THRB: variants seen among roughly 807,000 people sequenced by gnomAD.
The protein encoded by THRB is thyroid hormone receptor beta, also known as nuclear receptor subfamily 1 group A member 2.
A neutral mutation model predicts 47.8 loss-of-function variants in THRB; 12 were observed. That is an observed-to-expected ratio of 0.25 (90% CI 0.16 to 0.41). The LOEUF is 0.41. Among genes scored for constraint, THRB ranks in the 10% least tolerant of loss-of-function variants. The pLI is 1.00. For missense variants in THRB, 348 were observed against 589.2 expected, an observed-to-expected ratio of 0.59 and a Z score of 4.24; for synonymous variants, 218 against 212.2, an observed-to-expected ratio of 1.03 and a Z score of -0.24.
chr3:24,257,247 T>G (rs1005698025), intron 3 of THRB, among the ~76,000 whole-genome samples: 5 of 152,136 alleles, frequency 3.3e-5, no homozygotes, highest in South Asian at 2.1e-4. Context: ...ATGAAATAAA[T>G]TTTTTGATAT....
chr3:24,394,445 G>A (rs1169808479), intron 1 of THRB, among the ~76,000 whole-genome samples: 1 of 152,020 alleles, frequency 6.6e-6, no homozygotes, highest in Admixed American at 6.6e-5. Context: ...CCTACTTCCT[G>A]GGGAACTGTT....
At chr3:24,315,695 C>T (rs2058069978) in intron 2 of THRB, among the ~76,000 whole-genome samples, 1 of 152,184 alleles carries the variant, frequency 6.6e-6, no homozygotes, top group Non-Finnish European at 1.5e-5. Flanking sequence ...TGACATGCTA[C>T]CTTATCCACA....
At chr3:24,347,829 C>T (rs940791597) in intron 1 of THRB, among the ~76,000 whole-genome samples, 2 of 151,876 alleles carry the variant, frequency 1.3e-5, no homozygotes, top group Non-Finnish European at 2.9e-5. Flanking sequence ...TGAATTTGTA[C>T]CTACAAATCT....
At chr3:24,148,538 AG>A (rs2036453637) in intron 6 of THRB, among the ~76,000 whole-genome samples, 2 of 152,248 alleles carry the variant, frequency 1.3e-5, no homozygotes, top group Non-Finnish European at 1.5e-5. Context: ...CTGGGATTAC[AG>A]GCATGAGCCA....
rs143469247 is a variant in THRB at position 24,258,214 on chromosome 3, C to T, written c.-42-29213G>A. Among the ~76,000 whole-genome samples the T allele has an allele frequency of 2.8e-3, 423 of 152,158 alleles. 11 individuals carry two copies. The highest frequency in any genetic ancestry group is 0.026 in the East Asian group (134 of 5,170). ...AAGATGGAAAAGTTAAAAAGGGCACCCAGCAATGCAAGCGACGCCTAAGAA... is the reference window on the plus strand; with the variant it reads ...AAGATGGAAAAGTTAAAAAGGGCACTCAGCAATGCAAGCGACGCCTAAGAA... On this transcript the variant is annotated intron_variant, in intron 3 of 10. Coordinates refer to ENST00000646209, the MANE Select transcript of THRB (RefSeq NM_001354712.2).
chr3:24,370,192 C>G (rs746126173), intron 1 of THRB, among the ~76,000 whole-genome samples: 1 of 152,028 alleles, frequency 6.6e-6, no homozygotes, highest in Non-Finnish European at 1.5e-5. Context: ...ACATTTTTGT[C>G]CATTTTATCA....
At position 24,119,273 on chromosome 3, in the gene THRB, C is replaced by G. The variant is rs994778530; in HGVS notation, c.*3611G>C. 1 of 152,188 alleles carries G rather than the reference C, an allele frequency of 6.6e-6. No individual in the cohort carries two copies. Among genetic ancestry groups the G allele is most frequent in the African/African-American group, 2.4e-5 (1 of 41,408 alleles). 9.4% of individuals were successfully genotyped at this position (152,188 alleles called of 1,614,324 possible). A position where few individuals can be genotyped will look rare whatever the true frequency, so the allele number is the denominator to read the frequency against. ...AGCCGTTGGAAAGGGCAAAGAGATTCAAATGTCGATCATCACTCTCCATTT... is the reference window on the plus strand; with the variant it reads ...AGCCGTTGGAAAGGGCAAAGAGATTGAAATGTCGATCATCACTCTCCATTT... On this transcript the variant is annotated 3_prime_UTR_variant, in exon 11 of 11. Coordinates refer to ENST00000646209, the MANE Select transcript of THRB (RefSeq NM_001354712.2).
At chr3:24,425,973 A>G (rs1483418402) in intron 1 of THRB, among the ~76,000 whole-genome samples, 2 of 151,976 alleles carry the variant, frequency 1.3e-5, no homozygotes, top group African/African-American at 4.8e-5. Flanking sequence ...CTACCATTTA[A>G]TAGCTATTGT....
chr3:24,476,959 C>T (rs1695550927), intron 1 of THRB, among the ~76,000 whole-genome samples: 1 of 150,976 alleles, frequency 6.6e-6, no homozygotes, highest in Admixed American at 6.6e-5. Flanking sequence ...TGAACACTGG[C>T]CAATATATAA....
intron 3 of THRB, among the ~76,000 whole-genome samples, chr3:24,239,486 CATT>C (rs2049255991): frequency 6.6e-6 from 1 of 151,990 alleles, no homozygotes; most frequent in African/African-American, 2.4e-5. Flanking sequence ...TTTACATCAT[CATT>C]ATTATTATTT....
At chr3:24,187,842 T>C (rs2042795058) in intron 5 of THRB, among the ~76,000 whole-genome samples, 1 of 152,220 alleles carries the variant, frequency 6.6e-6, no homozygotes, top group African/African-American at 2.4e-5. Context: ...TCAACACATG[T>C]GCCCATTTTG....
At chr3:24,491,651 C>G (rs1698157004) in intron 1 of THRB, among the ~76,000 whole-genome samples, 1 of 152,184 alleles carries the variant, frequency 6.6e-6, no homozygotes, top group Admixed American at 6.5e-5. Context: ...ACTTTTGCAG[C>G]CCAAATTGTA....
intron 1 of THRB, among the ~76,000 whole-genome samples, chr3:24,440,751 G>A (rs938275443): frequency 1.3e-5 from 2 of 152,148 alleles, no homozygotes; most frequent in African/African-American, 4.8e-5. Flanking sequence ...TGAAAGGGAT[G>A]ATGACTGAGC....
chr3:24,195,516 G>T (rs1354037067), intron 4 of THRB, among the ~76,000 whole-genome samples: 1 of 152,124 alleles, frequency 6.6e-6, no homozygotes, highest in Non-Finnish European at 1.5e-5. Flanking sequence ...TTTGCTCTCA[G>T]CCACTTATAA....
At chr3:24,395,544 C>T (rs1169805712) in intron 1 of THRB, among the ~76,000 whole-genome samples, 1 of 151,940 alleles carries the variant, frequency 6.6e-6, no homozygotes, top group Non-Finnish European at 1.5e-5. Flanking sequence ...GCAGTACACG[C>T]AAATCAAAAC....
chr3:24,300,210 ACAC>A (rs2056837264), intron 2 of THRB, among the ~76,000 whole-genome samples: 1 of 152,142 alleles, frequency 6.6e-6, no homozygotes, highest in Non-Finnish European at 1.5e-5. Context: ...TTGCTCAGTT[ACAC>A]CAGGAATTAA....
chr3:24,182,201 AAAAAC>A (rs1165316696), intron 5 of THRB, among the ~76,000 whole-genome samples: 5 of 150,118 alleles, frequency 3.3e-5, no homozygotes, highest in East Asian at 3.9e-4. Flanking sequence ...ACTCCGTTTC[AAAAAC>A]AAAACAAAAC....
intron 1 of THRB, among the ~76,000 whole-genome samples, chr3:24,375,258 A>G (rs962700996): frequency 6.7e-6 from 1 of 150,168 alleles, no homozygotes; most frequent in Non-Finnish European, 1.5e-5. Flanking sequence ...TTGTAACAAA[A>G]CACTTCATGT....
At chr3:24,228,027 A>G (rs2047850490) in intron 4 of THRB, among the ~76,000 whole-genome samples, 1 of 152,194 alleles carries the variant, frequency 6.6e-6, no homozygotes, top group Non-Finnish European at 1.5e-5. Context: ...TTAAAATCCG[A>G]ATTTCCAACT....
Sources: allele counts gnomAD v4.1 joint callset (sites outside exome capture counted in the v4.1 genomes callset), GRCh38; gene constraint gnomAD v4.1.1; transcripts MANE v1.5; gene names NCBI Gene and HGNC (gene_info 2026-07-23, HGNC 2026-07-21).